NKAIN2: variants seen among roughly 807,000 people sequenced by gnomAD.
The protein encoded by NKAIN2 is sodium/potassium-transporting ATPase subunit beta-1-interacting protein 2.
A neutral mutation model predicts 32.6 loss-of-function variants in NKAIN2; 14 were observed. The observed-to-expected ratio is 0.43, with a 90% CI of 0.28 to 0.67. The LOEUF (loss-of-function observed/expected upper bound fraction) is 0.67, where lower values mean the gene tolerates loss of function less well. Ranked by LOEUF, NKAIN2 falls within the 30% of genes least tolerant of loss-of-function variation. The pLI is 0.17. For missense variants in NKAIN2, 198 were observed against 258.3 expected, an observed-to-expected ratio of 0.77 and a Z score of 1.60; for synonymous variants, 80 against 87.2, an observed-to-expected ratio of 0.92 and a Z score of 0.46.
chr6:124,573,384 C>G (rs1781206340), intron 3 of NKAIN2, among the ~76,000 whole-genome samples: 1 of 152,002 alleles, frequency 6.6e-6, no homozygotes. Flanking sequence ...GCACCAAGAC[C>G]TGCTGATTCC....
At chr6:124,822,462 G>A (rs914390717) in intron 6 of NKAIN2, among the ~76,000 whole-genome samples, 2 of 152,164 alleles carry the variant, frequency 1.3e-5, no homozygotes, top group African/African-American at 4.8e-5. Context: ...ATTTTTAGCT[G>A]TGGGGCTCCC....
intron 3 of NKAIN2, among the ~76,000 whole-genome samples, chr6:124,415,956 A>C (rs1774466101): frequency 6.8e-6 from 1 of 147,732 alleles, no homozygotes; most frequent in Non-Finnish European, 1.5e-5. Context: ...CCAACAACAC[A>C]AATATTTGAT....
chr6:124,497,823 G>GT (rs1386345824), intron 3 of NKAIN2, among the ~76,000 whole-genome samples: 199 of 34,390 alleles, frequency 5.8e-3, no homozygotes, highest in African/African-American at 0.026. Context: ...AGAGTAAGGG[G>GT]TAAAAAAAAA....
At chr6:124,716,709 T>C (rs1201290790) in intron 4 of NKAIN2, among the ~76,000 whole-genome samples, 1 of 152,168 alleles carries the variant, frequency 6.6e-6, no homozygotes, top group Admixed American at 6.5e-5. Context: ...AGAACCCTCT[T>C]CTCCTGATTA....
At chr6:124,313,476 A>G (rs2115005860) in intron 2 of NKAIN2, among the ~76,000 whole-genome samples, 1 of 152,254 alleles carries the variant, frequency 6.6e-6, no homozygotes, top group African/African-American at 2.4e-5. Flanking sequence ...TTTACCATGT[A>G]TCATTCCCAT....
chr6:124,186,125 T>TA (rs113619316), intron 1 of NKAIN2, among the ~76,000 whole-genome samples: 704 of 16,872 alleles, frequency 0.042, 6 homozygotes, highest in African/African-American at 0.11. Context: ...TTACAAAAAA[T>TA]AAAAAAAAGA....
intron 1 of NKAIN2, among the ~76,000 whole-genome samples, chr6:123,866,096 C>T (rs1772493958): frequency 6.6e-6 from 1 of 152,206 alleles, no homozygotes; most frequent in African/African-American, 2.4e-5. Flanking sequence ...TTAAGTAAAG[C>T]TGACTTTTCC....
At chr6:124,265,820 C>A (rs939131208) in intron 1 of NKAIN2, among the ~76,000 whole-genome samples, 29 of 152,308 alleles carry the variant, frequency 1.9e-4, no homozygotes, top group African/African-American at 7.0e-4. Flanking sequence ...TGGGTGATGT[C>A]ACACCAGCAA....
At position 124,375,414 on chromosome 6, in the gene NKAIN2, GTATATAAATTACATATA is replaced by G. The variant is rs1336317255; in HGVS notation, c.273+20082_273+20098del. 7.5e-5 allele frequency among the ~76,000 whole-genome samples: 11 copies of G among 146,632 alleles called. No individual in the cohort carries two copies. In the South Asian group the frequency reaches 2.3e-3, roughly 31 times the overall value. On this transcript the variant is annotated intron_variant, in intron 3 of 6. Coordinates refer to ENST00000368417, the MANE Select transcript of NKAIN2 (RefSeq NM_001040214.3). ...ATATGTATATAAATTATATATATAT[GTATATAAATTACATATA>G]TATATAAATTACATTTATATATATT...
chr6:124,223,770 A>G (rs145942121), intron 1 of NKAIN2, among the ~76,000 whole-genome samples: 1 of 152,172 alleles, frequency 6.6e-6, no homozygotes, highest in East Asian at 1.9e-4. Context: ...CCCTATTGAG[A>G]GTTAGTTAGA....
chr6:123,855,951 A>G (rs1348428668), intron 1 of NKAIN2, among the ~76,000 whole-genome samples: 3 of 152,196 alleles, frequency 2.0e-5, no homozygotes, highest in Non-Finnish European at 2.9e-5. Context: ...ATCATTTTGA[A>G]GTTTACAATT....
At chr6:124,709,903 A>G (rs1229248336) in intron 4 of NKAIN2, among the ~76,000 whole-genome samples, 19 of 151,874 alleles carry the variant, frequency 1.3e-4, no homozygotes, top group South Asian at 4.2e-4. Flanking sequence ...TGCTTTTCTA[A>G]TTCTTTTAAT....
intron 1 of NKAIN2, among the ~76,000 whole-genome samples, chr6:123,812,153 A>G (rs1773503311): frequency 6.6e-6 from 1 of 152,136 alleles, no homozygotes; most frequent in African/African-American, 2.4e-5. Context: ...AAATATTTAC[A>G]GAGTGCTTGC....
In NKAIN2 at chr6:124,291,893, G is replaced by A. The variant is rs74907267; in HGVS notation, c.192+8751G>A. On this transcript the variant is annotated intron_variant, in intron 2 of 6. Coordinates refer to ENST00000368417, the MANE Select transcript of NKAIN2 (RefSeq NM_001040214.3). ...TGAGCTTAAATAATGAGTATGCCTT[G>A]TCTCCTGTTTATCTATTGTCAGTTT... Among the ~76,000 whole-genome samples, 1,486 of 151,906 alleles carry A rather than the reference G, an allele frequency of 9.8e-3. 30 individuals are homozygous for A. Among genetic ancestry groups the A allele is most frequent in the African/African-American group, 0.035 (1,430 of 41,420 alleles).
intron 4 of NKAIN2, among the ~76,000 whole-genome samples, chr6:124,725,854 C>G (rs947017975): frequency 6.6e-6 from 1 of 152,158 alleles, no homozygotes; most frequent in East Asian, 1.9e-4. Flanking sequence ...GTGCATGCAC[C>G]GTGTGCAAGC....
At chr6:124,802,304 G>T (rs1407114553) in intron 5 of NKAIN2, among the ~76,000 whole-genome samples, 1 of 152,142 alleles carries the variant, frequency 6.6e-6, no homozygotes, top group Admixed American at 6.5e-5. Context: ...CAGCTGAGAA[G>T]ACATACCCAA....
chr6:123,940,772 C>T (rs998462790), intron 1 of NKAIN2, among the ~76,000 whole-genome samples: 6 of 151,986 alleles, frequency 3.9e-5, no homozygotes, highest in South Asian at 2.1e-4. Context: ...TGAGTGAATG[C>T]GAAGGCCTAG....
chr6:124,614,493 C>T (rs968776836), intron 3 of NKAIN2, among the ~76,000 whole-genome samples: 1 of 152,138 alleles, frequency 6.6e-6, no homozygotes, highest in African/African-American at 2.4e-5. Flanking sequence ...CTCTATAGAA[C>T]TTTCTCCTTA....
intron 1 of NKAIN2, among the ~76,000 whole-genome samples, chr6:124,086,986 C>A (rs1236939784): frequency 6.6e-6 from 1 of 151,804 alleles, no homozygotes; most frequent in Non-Finnish European, 1.5e-5. Flanking sequence ...AAACCATAGG[C>A]TAATATCTCC....
Sources: allele counts gnomAD v4.1 joint callset (sites outside exome capture counted in the v4.1 genomes callset), GRCh38; gene constraint gnomAD v4.1.1; transcripts MANE v1.5; gene names NCBI Gene and HGNC (gene_info 2026-07-23, HGNC 2026-07-21).